The following MCM5 variants were observed in gnomAD, a reference collection of about 807,000 sequenced individuals.
MCM5 encodes minichromosome maintenance complex component 5.
Under a neutral mutation model 79.9 loss-of-function variants are expected in MCM5, and 46 were observed. The observed-to-expected ratio is 0.58, with a 90% CI of 0.45 to 0.74. MCM5 has a LOEUF of 0.74. Ranked by LOEUF, MCM5 falls within the 30% of genes least tolerant of loss-of-function variation. MCM5 has a pLI of 0.00. For synonymous variants in MCM5, 404 were observed against 390.5 expected, an observed-to-expected ratio of 1.03 and a Z score of -0.41; for missense variants, 883 against 1,017.0, an observed-to-expected ratio of 0.87 and a Z score of 1.79.
chr22:35,420,744 A>G lies in MCM5; in HGVS notation c.1833-574A>G, dbSNP rs144876959. Among the ~76,000 whole-genome samples, 520 of 152,318 alleles carry G rather than the reference A, an allele frequency of 3.4e-3. 5 individuals carry two copies. The highest frequency in any genetic ancestry group is 0.012 in the African/African-American group (490 of 41,566). ...GTCCCACACAATGCTTGGACTTACA[A>G]CTTACTGCCATAGATTGGTCACACA... On this transcript the variant is annotated intron_variant, in intron 14 of 16. Coordinates refer to ENST00000216122, the MANE Select transcript of MCM5 (RefSeq NM_006739.4).
At chr22:35,416,875 G>T in intron 12 of MCM5, 61 bp downstream of exon 12, 1 of 1,574,248 alleles carries the variant, frequency 6.4e-7, no homozygotes, top group Non-Finnish European at 8.7e-7. Context: ...TTGTGATTGT[G>T]TGGGAAGGAG....
the MCM5 span, among the ~76,000 whole-genome samples, chr22:35,432,462 C>T: frequency 6.6e-6 from 1 of 152,142 alleles, no homozygotes; most frequent in Non-Finnish European, 1.5e-5. Flanking sequence ...GTTCACGGCC[C>T]CCACACAGAA....
At chr22:35,401,301 C>CT in intron 2 of MCM5, 1 of 436,070 alleles carries the variant, frequency 2.3e-6, no homozygotes, top group South Asian at 1.7e-5. Flanking sequence ...CTCAAGTTCC[C>CT]TGTAGGTGTA....
the MCM5 span, among the ~76,000 whole-genome samples, chr22:35,438,602 C>CCAT: frequency 1.8e-5 from 1 of 57,142 alleles, no homozygotes; most frequent in Non-Finnish European, 3.1e-5. Flanking sequence ...CATGCATCCA[C>CCAT]CCACCCACAT....
rs1932690504 is a variant in MCM5, at chr22:35,421,399, G to A, written c.1914G>A (p.Glu638=). Residue 638 remains glutamate, a synonymous_variant, in exon 15 of 17, where the codon GAG becomes GAA. Coordinates refer to ENST00000216122, the MANE Select transcript of MCM5 (RefSeq NM_006739.4). ...LQPFATEADV[E]EALRLFQVST... is the part of the protein sequence containing the mutation. The stretch of plus-strand genomic sequence containing the variant: ...CCTTCGCCACAGAGGCAGATGTGGA[G>A]GAGGCCCTGCGGCTCTTCCAAGTGT... 6.2e-7 allele frequency: 1 copy of A among 1,614,060 alleles called. No homozygotes were observed.
intron 7 of MCM5, among the ~76,000 whole-genome samples, 161 bp downstream of exon 7, chr22:35,411,071 C>A (rs1932370715): frequency 6.6e-6 from 1 of 152,214 alleles, no homozygotes; most frequent in Non-Finnish European, 1.5e-5. Flanking sequence ...CCTGGAACTT[C>A]CACACATTGG....
chr22:35,408,370 A>C, intron 5 of MCM5, 38 bp from the exon 6 acceptor site: 2 of 1,584,768 alleles, frequency 1.3e-6, no homozygotes, highest in Admixed American at 1.7e-5. Context: ...TGGATTCTCC[A>C]GGTAGCTTTG....
chr22:35,447,215 C>T, the MCM5 span, among the ~76,000 whole-genome samples: 1 of 152,104 alleles, frequency 6.6e-6, no homozygotes, highest in Admixed American at 6.5e-5. Context: ...TGGGAAAGTG[C>T]TTTGTAAACT....
chr22:35,406,309 A>G (rs1271317926), intron 4 of MCM5, among the ~76,000 whole-genome samples: 2 of 38,222 alleles, frequency 5.2e-5, no homozygotes, highest in Non-Finnish European at 1.3e-4. Flanking sequence ...TCCCCCCCCA[A>G]TTGTGCTGCG....
rs138322887 is a variant in MCM5, at chr22:35,417,774, G to A, written c.1621G>A (p.Val541Met). 6.4e-5 allele frequency: 104 copies of A among 1,614,172 alleles called. No individual in the cohort carries two copies. Among genetic ancestry groups the A allele is most frequent in the East Asian group, 1.6e-4 (7 of 44,882 alleles). The change falls in exon 13 of 17, where the codon GTG becomes ATG. Residue 541 changes from valine (V) to methionine (M), a missense_variant. Val to Met is a conservative substitution (Grantham distance 21). Transcript: ENST00000216122. ...GGCCAAGCATGTCATCACTCTGCAC[G>A]TGAGCGCACTGACACAGACACAGGC... The part of the protein sequence containing the change: ...MLAKHVITLH[V>M]SALTQTQAVE...
the MCM5 span, among the ~76,000 whole-genome samples, chr22:35,451,442 G>C: frequency 6.6e-6 from 1 of 152,226 alleles, no homozygotes; most frequent in African/African-American, 2.4e-5. Context: ...GATGGGGGAG[G>C]CCCCCAGCCT....
At chr22:35,407,489 G>C (rs547693306) in intron 5 of MCM5, among the ~76,000 whole-genome samples, 1 of 151,408 alleles carries the variant, frequency 6.6e-6, no homozygotes, top group African/African-American at 2.5e-5. Context: ...ATCTGCTCCT[G>C]GCTTCCCCAG....
At chr22:35,447,712 C>T in the MCM5 span, among the ~76,000 whole-genome samples, 2 of 152,184 alleles carry the variant, frequency 1.3e-5, no homozygotes, top group Non-Finnish European at 2.9e-5. Context: ...AGTGATCGGC[C>T]TGTCTCCGCC....
chr22:35,407,360 A>AT (rs947733897), intron 5 of MCM5, among the ~76,000 whole-genome samples: 1 of 151,830 alleles, frequency 6.6e-6, no homozygotes, highest in Non-Finnish European at 1.5e-5. Flanking sequence ...CTCCTCCCTG[A>AT]TCCCCCGCGT....
In MCM5 at chr22:35,416,739, CTTCATGCCCACCATCT is replaced by C; in HGVS notation, c.1517_1532del (p.Phe506CysfsTer6). ...AGACGAAGGGGGAGGACAACATTGA[CTTCATGCCCACCATCT>C]TGTCGCGCTTCGACATGATCTTCAT... On this transcript the variant is annotated frameshift_variant, in exon 12 of 17. Transcript: ENST00000216122. LOFTEE classifies it high-confidence loss of function. 1 of 1,614,166 alleles carries C rather than the reference CTTCATGCCCACCATCT, an allele frequency of 6.2e-7. No individual in the cohort carries two copies. Among genetic ancestry groups the C allele is most frequent in the South Asian group, 1.1e-5 (1 of 91,090 alleles).
At chr22:35,405,342 C>G (rs1467636367) in intron 4 of MCM5, among the ~76,000 whole-genome samples, 1 of 151,574 alleles carries the variant, frequency 6.6e-6, no homozygotes, top group African/African-American at 2.4e-5. Flanking sequence ...TGATCTGGAA[C>G]TATTTCTCCA....
At chr22:35,426,556 C>G (rs371749999), downstream of MCM5, among the ~76,000 whole-genome samples, 1 of 152,176 alleles carries the variant, frequency 6.6e-6, no homozygotes, top group South Asian at 2.1e-4. Flanking sequence ...AGGCCGCGAC[C>G]CAGCGGACAT....
At chr22:35,438,588 C>CACCCACAT in the MCM5 span, among the ~76,000 whole-genome samples, 2 of 41,828 alleles carry the variant, frequency 4.8e-5, no homozygotes, top group Admixed American at 2.0e-4. Context: ...TCCATCCATC[C>CACCCACAT]ATCCATGCAT....
At chr22:35,437,272 A>T in the MCM5 span, among the ~76,000 whole-genome samples, 26 of 152,310 alleles carry the variant, frequency 1.7e-4, no homozygotes, top group South Asian at 5.4e-3. Context: ...TGGCCTAAGG[A>T]TTGGCTCCTG....
Sources: allele counts gnomAD v4.1 joint callset (sites outside exome capture counted in the v4.1 genomes callset), GRCh38; gene constraint gnomAD v4.1.1; transcripts MANE v1.5; gene names NCBI Gene and HGNC (gene_info 2026-07-23, HGNC 2026-07-21).